The following AREL1 variants were observed in gnomAD, a reference collection of about 807,000 sequenced individuals.
The protein encoded by AREL1 is apoptosis resistant E3 ubiquitin protein ligase 1.
A neutral mutation model predicts 99.0 loss-of-function variants in AREL1; 62 were observed. The observed-to-expected ratio is 0.63, with a 90% CI of 0.51 to 0.77. The LOEUF (loss-of-function observed/expected upper bound fraction) is 0.77. AREL1 is among the 30% of genes least tolerant of loss of function. AREL1 has a pLI of 0.00. For synonymous variants in AREL1, 380 were observed against 376.5 expected, an observed-to-expected ratio of 1.01 and a Z score of -0.11; for missense variants, 879 against 1,027.6, an observed-to-expected ratio of 0.86 and a Z score of 1.98.
chr14:74,705,212 T>G (rs1345074801), intron 1 of AREL1, among the ~76,000 whole-genome samples: 1 of 152,198 alleles, frequency 6.6e-6, no homozygotes, highest in Non-Finnish European at 1.5e-5. Flanking sequence ...GCTAATTTTG[T>G]ATTTTTAGTA....
chr14:74,699,758 C>G (rs925411205), intron 1 of AREL1, among the ~76,000 whole-genome samples: 4 of 152,136 alleles, frequency 2.6e-5, no homozygotes, highest in Non-Finnish European at 5.9e-5. Flanking sequence ...TTTCCAAGAA[C>G]CTATCAACAT....
intron 1 of AREL1, among the ~76,000 whole-genome samples, chr14:74,699,146 C>T (rs1206489654): frequency 1.3e-5 from 2 of 152,134 alleles, no homozygotes; most frequent in East Asian, 1.9e-4. Context: ...GGTCCTCAAA[C>T]GACATCAGTT....
chr14:74,704,970 T>C (rs2090149450), intron 1 of AREL1, among the ~76,000 whole-genome samples: 1 of 152,158 alleles, frequency 6.6e-6, no homozygotes, highest in Non-Finnish European at 1.5e-5. Flanking sequence ...AGTCATTAAG[T>C]TTTATTCCCC....
At chr14:74,712,584 T>C (rs1032708416) in intron 1 of AREL1, among the ~76,000 whole-genome samples, 5 of 152,048 alleles carry the variant, frequency 3.3e-5, no homozygotes, top group African/African-American at 7.2e-5. Context: ...GGGTAAGTAG[T>C]AACATATGCA....
intron 17 of AREL1, among the ~76,000 whole-genome samples, chr14:74,666,411 T>C (rs1415982043): frequency 1.3e-5 from 2 of 152,226 alleles, no homozygotes; most frequent in Admixed American, 1.3e-4. Flanking sequence ...GTATTTACCA[T>C]CTTAGAGCCA....
At chr14:74,671,563 G>A in intron 11 of AREL1, 80 bp from the exon 12 acceptor site, 1 of 903,964 alleles carries the variant, frequency 1.1e-6, no homozygotes, top group African/African-American at 1.7e-5. Context: ...CAAGAGCACT[G>A]CCATTGTCTG....
rs776777301 is a variant in AREL1, at chr14:74,673,992, T to A, written c.1158+42A>T. 7 of 1,518,412 alleles carry A rather than the reference T, an allele frequency of 4.6e-6. No individual in the cohort carries two copies. In the Admixed American group the frequency reaches 1.0e-4, roughly 22 times the overall value. The allele number at this position is 1,518,412 out of a possible 1,614,324, so 94.1% of individuals were successfully genotyped here. A position where few individuals can be genotyped will look rare whatever the true frequency, so the allele number is the denominator to read the frequency against. ...ATAAAAGGCTGAGATAGTCCAGAGATGAAGCATGCTTGATGTGAACCAGAT... is the reference window on the plus strand; with the variant it reads ...ATAAAAGGCTGAGATAGTCCAGAGAAGAAGCATGCTTGATGTGAACCAGAT... On this transcript the variant is annotated intron_variant, in intron 9 of 19. Transcript: ENST00000356357.
In AREL1 at chr14:74,667,584, A is replaced by G; in HGVS notation, c.1925T>C (p.Leu642Pro). 1 of 1,611,622 alleles carries G rather than the reference A, an allele frequency of 6.2e-7. No individual in the cohort carries two copies. The highest frequency in any genetic ancestry group is 8.5e-7 in the Non-Finnish European group (1 of 1,178,732). Residue 642 changes from leucine to proline, a missense_variant, in exon 16 of 20, where the codon CTC becomes CCC. Coordinates refer to ENST00000356357, the MANE Select transcript of AREL1 (RefSeq NM_001039479.2). ...KSGQLDKVVE[L>P]MTGGAQTPVT... ...TGGAGTTTGAGCTCCACCTGTCATGAGTTCTACAACCTGTAACAGGCAGCA... is the reference window on the plus strand; with the variant it reads ...TGGAGTTTGAGCTCCACCTGTCATGGGTTCTACAACCTGTAACAGGCAGCA...
intron 5 of AREL1, among the ~76,000 whole-genome samples, chr14:74,677,421 A>G (rs1192260101): frequency 6.6e-6 from 1 of 151,512 alleles, no homozygotes; most frequent in African/African-American, 2.4e-5. Context: ...ACTTTTGCCC[A>G]GGAGGTAAAG....
intron 8 of AREL1, among the ~76,000 whole-genome samples, chr14:74,674,485 C>T (rs944612400): frequency 1.3e-5 from 2 of 151,982 alleles, no homozygotes; most frequent in African/African-American, 4.8e-5. Flanking sequence ...GCCTGTAATC[C>T]CAAGTACTCG....
intron 1 of AREL1, among the ~76,000 whole-genome samples, chr14:74,694,079 G>C (rs2089933982): frequency 6.6e-6 from 1 of 152,154 alleles, no homozygotes; most frequent in South Asian, 2.1e-4. Flanking sequence ...TGGAGGCTGA[G>C]GTGGGGGTTG....
intron 13 of AREL1, 83 bp downstream of exon 13, chr14:74,670,679 G>A (rs527632578): frequency 1.7e-6 from 2 of 1,177,148 alleles, no homozygotes; most frequent in Non-Finnish European, 1.2e-6. Context: ...CAGGTTCCCA[G>A]ATCAGTTTCA....
intron 15 of AREL1, among the ~76,000 whole-genome samples, chr14:74,668,647 T>C (rs1046469690): frequency 1.6e-4 from 24 of 152,162 alleles, no homozygotes; most frequent in African/African-American, 5.6e-4. Context: ...TCTAATCCCA[T>C]GTGTACAAAG....
intron 4 of AREL1, 48 bp from the exon 5 acceptor site, chr14:74,683,581 A>G (rs779493399): frequency 9.6e-6 from 15 of 1,569,388 alleles, no homozygotes; most frequent in Admixed American, 1.7e-5. Context: ...GAGGAAAAAA[A>G]CATTTCCTGT....
rs75868746 is a variant in AREL1, at chr14:74,690,310, C to T, written c.-46+1731G>A. Among the ~76,000 whole-genome samples the T allele has an allele frequency of 1.5e-3, 223 of 146,232 alleles. 1 individual carries two copies. The East Asian group carries it at 0.025, about 17-fold the overall frequency. ...AGCTCCAAAGAAACCAACATAATTGCATATAGTAACTTCAATAAATATGAA... is the reference window on the plus strand; with the variant it reads ...AGCTCCAAAGAAACCAACATAATTGTATATAGTAACTTCAATAAATATGAA... On this transcript the variant is annotated intron_variant, in intron 2 of 19. Coordinates refer to ENST00000356357, the MANE Select transcript of AREL1 (RefSeq NM_001039479.2).
At chr14:74,692,709 T>C (rs1487587283) in intron 1 of AREL1, among the ~76,000 whole-genome samples, 2 of 152,152 alleles carry the variant, frequency 1.3e-5, no homozygotes, top group Admixed American at 6.6e-5. Context: ...TTTTTGTTTT[T>C]GTTTTTGTTT....
chr14:74,673,470 A>G (rs779652469), intron 9 of AREL1, among the ~76,000 whole-genome samples: 2 of 152,248 alleles, frequency 1.3e-5, no homozygotes, highest in Non-Finnish European at 2.9e-5. Flanking sequence ...AACATAAAAT[A>G]TAAGAAGGGT....
At chr14:74,672,698 G>T in intron 11 of AREL1, 133 bp downstream of exon 11, 2 of 1,278,658 alleles carry the variant, frequency 1.6e-6, no homozygotes, top group Non-Finnish European at 2.2e-6. Flanking sequence ...TCGCACCTCT[G>T]CACCCCAGCC....
In AREL1 at chr14:74,683,519, G is replaced by A. The variant is rs2089681170; in HGVS notation, c.258C>T (p.Asn86=). 5 of 1,613,880 alleles carry A rather than the reference G, an allele frequency of 3.1e-6. No individual in the cohort carries two copies. In the African/African-American group the frequency reaches 4.0e-5, roughly 13 times the overall value. Residue 86 remains asparagine, a synonymous_variant, in exon 5 of 20, where the codon AAC becomes AAT. Coordinates refer to ENST00000356357, the MANE Select transcript of AREL1 (RefSeq NM_001039479.2). Reference sequence around the variant, plus strand: ...GCCGATGTGCAGGGAAAGGCTGCCCGTTCTTATAGAATAACTGCCATGGGG... The same window carrying A: ...GCCGATGTGCAGGGAAAGGCTGCCCATTCTTATAGAATAACTGCCATGGGG... The part of the protein sequence containing the change: ...MAFRVHLFYK[N]GQPFPAHRPV...
Sources: gnomAD v4.1 joint callset for allele counts (sites outside exome capture counted in the v4.1 genomes callset) on GRCh38, gnomAD v4.1.1 for gene constraint, MANE v1.5 for transcripts, NCBI Gene and HGNC (gene_info 2026-07-23, HGNC 2026-07-21) for gene names.